TPST1: variants seen among roughly 807,000 people sequenced by gnomAD.
TPST1 encodes tyrosylprotein sulfotransferase 1.
A neutral mutation model predicts 34.8 loss-of-function variants in TPST1; 20 were observed. The ratio of observed to expected loss-of-function variants is 0.57; its 90% CI spans 0.40 to 0.84. TPST1 has a LOEUF of 0.84. Ranked by LOEUF, TPST1 falls within the 40% of genes least tolerant of loss-of-function variation. TPST1 has a pLI of 0.00. For synonymous variants in TPST1, 152 were observed against 159.4 expected, an observed-to-expected ratio of 0.95 and a Z score of 0.35; for missense variants, 353 against 455.5, an observed-to-expected ratio of 0.78 and a Z score of 2.05.
chr7:66,324,165 T>C (rs756634223), intron 3 of TPST1, among the ~76,000 whole-genome samples: 5 of 152,190 alleles, frequency 3.3e-5, no homozygotes, highest in Non-Finnish European at 7.4e-5. Context: ...AGGACAAATG[T>C]TGTATAATTT....
upstream of TPST1, among the ~76,000 whole-genome samples, chr7:66,201,419 G>A (rs1211174875): frequency 6.6e-6 from 1 of 150,712 alleles, no homozygotes; most frequent in Non-Finnish European, 1.5e-5. Context: ...GGCTGGGCAC[G>A]GTGGCTTACA....
chr7:66,223,326 G>T (rs1789582728), intron 1 of TPST1, among the ~76,000 whole-genome samples: 1 of 151,868 alleles, frequency 6.6e-6, no homozygotes, highest in Non-Finnish European at 1.5e-5. Flanking sequence ...GCCAGGTATG[G>T]TTTGCATGCC....
At chr7:66,200,034 T>C in the TPST1 span, among the ~76,000 whole-genome samples, 1 of 152,250 alleles carries the variant, frequency 6.6e-6, no homozygotes, top group South Asian at 2.1e-4. Flanking sequence ...GGGGCCTGTG[T>C]CCTTCTTAAG....
chr7:66,238,789 C>T (rs1232692874), intron 1 of TPST1, among the ~76,000 whole-genome samples: 1 of 152,202 alleles, frequency 6.6e-6, no homozygotes, highest in African/African-American at 2.4e-5. Flanking sequence ...AATTAACTGT[C>T]ACACTTGCCT....
intron 1 of TPST1, among the ~76,000 whole-genome samples, chr7:66,227,028 C>CTTTTTTTTTTG (rs1789670660): frequency 1.4e-5 from 1 of 69,200 alleles, no homozygotes; most frequent in African/African-American, 6.7e-5. Context: ...TTAAAATAAG[C>CTTTTTTTTTTG]TTTTTTTTTT....
At chr7:66,212,350 G>A (rs548867884) in intron 1 of TPST1, among the ~76,000 whole-genome samples, 4 of 152,272 alleles carry the variant, frequency 2.6e-5, no homozygotes, top group Admixed American at 1.3e-4. Context: ...GAATCTCACT[G>A]GGATTGGTGA....
In TPST1 at chr7:66,240,818, T is replaced by G. The variant is rs1320113935; in HGVS notation, c.393T>G (p.Asp131Glu). 9.3e-6 allele frequency: 15 copies of G among 1,614,102 alleles called. No individual in the cohort carries two copies. The highest frequency in any genetic ancestry group is 1.3e-5 in the Non-Finnish European group (15 of 1,180,054). ...KIRLDEAGVT[D>E]EVLDSAMQAF... is the part of the protein sequence containing the mutation. ...GCCTGGATGAGGCTGGTGTTACTGA[T>G]GAAGTGCTGGATTCTGCCATGCAAG... Residue 131 changes from aspartate (D) to glutamate (E), a missense_variant, in exon 2 of 6, where the codon GAT becomes GAG. Coordinates refer to ENST00000304842, the MANE Select transcript of TPST1 (RefSeq NM_003596.4).
intron 3 of TPST1, among the ~76,000 whole-genome samples, chr7:66,349,407 T>C (rs1346994471): frequency 2.6e-5 from 4 of 152,036 alleles, no homozygotes; most frequent in Non-Finnish European, 5.9e-5. Flanking sequence ...CCTGTCTCTA[T>C]TAAAAATTCA....
rs564173879 is a variant in TPST1 at position 66,297,257 on chromosome 7, C to T, written c.1044+10548C>T. Among the ~76,000 whole-genome samples, 4 of 152,296 alleles carry T rather than the reference C, an allele frequency of 2.6e-5. No individual in the cohort carries two copies. The East Asian group carries it at 7.7e-4, about 29-fold the overall frequency. On this transcript the variant is annotated intron_variant, in intron 3 of 5. Coordinates refer to ENST00000304842, the MANE Select transcript of TPST1 (RefSeq NM_003596.4). ...GGGTCTCTTTCCTGAGCCCTAGGTT[C>T]ATTATTTCCAACTGTCTTCTGTATG...
intron 3 of TPST1, among the ~76,000 whole-genome samples, chr7:66,313,288 G>T (rs1361968072): frequency 6.6e-6 from 1 of 152,076 alleles, no homozygotes; most frequent in Non-Finnish European, 1.5e-5. Context: ...GGTGGCATGT[G>T]CCTATAATCC....
chr7:66,247,683 G>A (rs553350138), intron 2 of TPST1, among the ~76,000 whole-genome samples: 5 of 152,326 alleles, frequency 3.3e-5, no homozygotes, highest in Admixed American at 2.0e-4. Flanking sequence ...TGGTTAAGGC[G>A]CTGTAGTTCT....
At chr7:66,261,933 C>G (rs914931875) in intron 2 of TPST1, among the ~76,000 whole-genome samples, 5 of 152,140 alleles carry the variant, frequency 3.3e-5, no homozygotes, top group African/African-American at 1.2e-4. Context: ...CTACCACCAC[C>G]ACTGCATATA....
At chr7:66,252,968 A>G (rs145795253) in intron 2 of TPST1, among the ~76,000 whole-genome samples, 2 of 152,314 alleles carry the variant, frequency 1.3e-5, no homozygotes, top group East Asian at 3.9e-4. Context: ...CATCTATGGA[A>G]ATACAGTCAG....
At position 66,240,985 on chromosome 7, in the gene TPST1, G is replaced by A. The variant is rs768040317; in HGVS notation, c.560G>A (p.Arg187Gln). The A allele has an allele frequency of 8.1e-6, 13 of 1,613,986 alleles. No individual in the cohort carries two copies. Among genetic ancestry groups the A allele is most frequent in the East Asian group, 2.2e-5 (1 of 44,898 alleles). The change falls in exon 2 of 6, where the codon CGG becomes CAG. Residue 187 changes from arginine (R) to glutamine (Q), a missense_variant. Arg to Gln is a conservative substitution (Grantham distance 43, BLOSUM62 1). Coordinates refer to ENST00000304842, the MANE Select transcript of TPST1 (RefSeq NM_003596.4). Reference protein sequence around the residue: ...AKFLLMVRDGRASVHSMISRK... With the variant: ...AKFLLMVRDGQASVHSMISRK... ...TTTCTCCTGATGGTCCGAGATGGCC[G>A]GGCATCAGTACATTCAATGATTTCT...
intron 2 of TPST1, among the ~76,000 whole-genome samples, 186 bp from the exon 3 acceptor site, chr7:66,286,325 T>A (rs1052791526): frequency 2.6e-5 from 4 of 152,210 alleles, no homozygotes; most frequent in Non-Finnish European, 5.9e-5. Flanking sequence ...TTGCCAATAA[T>A]CCCTGTCAAT....
At chr7:66,228,334 G>A (rs923698118) in intron 1 of TPST1, among the ~76,000 whole-genome samples, 1 of 152,104 alleles carries the variant, frequency 6.6e-6, no homozygotes, top group African/African-American at 2.4e-5. Context: ...CTCTCTTTCA[G>A]CAAATCAACT....
At chr7:66,215,914 A>C (rs1178661855) in intron 1 of TPST1, among the ~76,000 whole-genome samples, 1 of 150,828 alleles carries the variant, frequency 6.6e-6, no homozygotes, top group Admixed American at 6.6e-5. Context: ...CTGGGACTAC[A>C]GGCGCCCGCC....
chr7:66,339,876 C>T (rs938203501), intron 3 of TPST1, among the ~76,000 whole-genome samples: 72 of 141,214 alleles, frequency 5.1e-4, no homozygotes, highest in Non-Finnish European at 3.6e-4. Flanking sequence ...AGTGGAAATC[C>T]GAGGGATGCA....
chr7:66,298,691 C>A (rs1399933716), intron 3 of TPST1, among the ~76,000 whole-genome samples: 2 of 151,960 alleles, frequency 1.3e-5, no homozygotes, highest in South Asian at 2.1e-4. Context: ...TCTTTTCCTG[C>A]CTTCTTTTGG....
Sources: gnomAD v4.1 joint callset for allele counts (sites outside exome capture counted in the v4.1 genomes callset) on GRCh38, gnomAD v4.1.1 for gene constraint, MANE v1.5 for transcripts, NCBI Gene and HGNC (gene_info 2026-07-23, HGNC 2026-07-21) for gene names.